SLC34A3: variants seen among roughly 807,000 people sequenced by gnomAD.
SLC34A3 encodes the protein sodium-dependent phosphate transport protein 2C.
A neutral mutation model predicts 43.9 loss-of-function variants in SLC34A3; 60 were observed. The observed-to-expected ratio is 1.37, with a 90% CI of 1.11 to 1.70. The LOEUF is 1.70. Among genes scored for constraint, SLC34A3 ranks in the 40% most tolerant of loss-of-function variants. The probability of loss-of-function intolerance (pLI) is 0.00; values close to 1 mark genes in which losing one functional copy is unlikely to be tolerated. For synonymous variants in SLC34A3, 451 were observed against 386.2 expected, an observed-to-expected ratio of 1.17 and a Z score of -1.97; for missense variants, 969 against 823.8, an observed-to-expected ratio of 1.18 and a Z score of -2.16.
chr9:137,234,182 G>C lies in SLC34A3; in HGVS notation c.999G>C (p.Leu333=). Residue 333 remains leucine (L), a synonymous_variant, in exon 10 of 13, where the codon CTG becomes CTC. Coordinates refer to ENST00000673835, the MANE Select transcript of SLC34A3 (RefSeq NM_001177316.2). The surrounding 1 kb of genome is among the most constrained non-coding windows in gnomAD (Gnocchi z 6.9). ...GCATCCTGCTGGCCGGCTCCCTGCT[G>C]GTGCTCTGCGGCTGCCTGGTCCTCA... ...VGCILLAGSL[L]VLCGCLVLIV... The C allele has an allele frequency of 6.2e-7, 1 of 1,605,542 alleles. No individual in the cohort carries two copies. Among genetic ancestry groups the C allele is most frequent in the Non-Finnish European group, 8.5e-7 (1 of 1,178,210 alleles).
In SLC34A3 at chr9:137,236,358, C is replaced by T; in HGVS notation, c.1742C>T (p.Thr581Ile). The change falls in exon 13 of 13, where the codon ACC (threonine) becomes ATC (isoleucine). Residue 581 changes from threonine (T) to isoleucine (I), a missense_variant. Coordinates refer to ENST00000673835, the MANE Select transcript of SLC34A3 (RefSeq NM_001177316.2). The part of the protein sequence containing the change: ...PCNVCSPPKA[T>I]TKEAYCYENP... Reference sequence around the variant, plus strand: ...AACGTCTGCAGCCCCCCGAAGGCCACCACCAAAGAGGCCTACTGCTACGAG... The same window carrying T: ...AACGTCTGCAGCCCCCCGAAGGCCATCACCAAAGAGGCCTACTGCTACGAG... 1 of 1,540,614 alleles carries T rather than the reference C, an allele frequency of 6.5e-7. No individual in the cohort carries two copies. Among genetic ancestry groups the T allele is most frequent in the Non-Finnish European group, 8.7e-7 (1 of 1,146,796 alleles).
In SLC34A3 at chr9:137,233,950, C is replaced by T. The variant is rs1242108124; in HGVS notation, c.925+9C>T. On this transcript the variant is annotated intron_variant, in intron 9 of 12. Coordinates refer to ENST00000673835, the MANE Select transcript of SLC34A3 (RefSeq NM_001177316.2). ...GGCGGACAGGCTGCCCTGTGAGGCC[C>T]GGCCCACCCCAAGCCCCCTACACCC... 23 of 1,541,704 alleles carry T rather than the reference C, an allele frequency of 1.5e-5. No homozygotes were observed. Among genetic ancestry groups the T allele is most frequent in the Admixed American group, 7.6e-5 (4 of 52,838 alleles).
At chr9:137,230,764 C>CA (rs1836169342), upstream of SLC34A3, 1 of 152,266 alleles carries the variant, frequency 6.6e-6, no homozygotes, top group African/African-American at 2.4e-5. Flanking sequence ...AGGATGGAGA[C>CA]AAGGCCTAGG....
In SLC34A3 at chr9:137,236,230, G is replaced by A; in HGVS notation, c.1614G>A (p.Arg538=). 6.4e-7 allele frequency: 1 copy of A among 1,559,052 alleles called. No individual in the cohort carries two copies. The highest frequency in any genetic ancestry group is 8.7e-7 in the Non-Finnish European group (1 of 1,155,304). The part of the protein sequence containing the change: ...VILVTVLQRR[R]PAWLPVRLRS... ...TGGTTACTGTCCTGCAGCGGCGCCG[G>A]CCGGCCTGGCTGCCTGTCCGCCTGC... The change falls in exon 13 of 13, where the codon CGG becomes CGA. Residue 538 remains arginine, a synonymous_variant. Coordinates refer to ENST00000673835, the MANE Select transcript of SLC34A3 (RefSeq NM_001177316.2).
At chr9:137,235,894 G>A (rs1836566228) in intron 12 of SLC34A3, 58 bp from the exon 13 acceptor site, 1 of 1,548,258 alleles carries the variant, frequency 6.5e-7, no homozygotes, top group South Asian at 1.1e-5. Context: ...AGGGGTCCGG[G>A]GCCCCTGGTG....
At chr9:137,235,166 G>A (rs1233378352) in intron 12 of SLC34A3, among the ~76,000 whole-genome samples, 1 of 151,776 alleles carries the variant, frequency 6.6e-6, no homozygotes, top group East Asian at 2.0e-4. Flanking sequence ...CACCGATGCT[G>A]GGCCCTGCCC....
At position 137,234,813 on chromosome 9, in the gene SLC34A3, G is replaced by T; in HGVS notation, c.1335+82G>T. On this transcript the variant is annotated intron_variant, in intron 12 of 12. Transcript: ENST00000673835. The surrounding 1 kb of genome is among the most constrained non-coding windows in gnomAD (Gnocchi z 6.9). Reference sequence around the variant, plus strand: ...ACAGGAGTGTGTCACCAGCCCCGGGGCCCTAGGCTGGCTGTGCCCCCGCCT... The same window carrying T: ...ACAGGAGTGTGTCACCAGCCCCGGGTCCCTAGGCTGGCTGTGCCCCCGCCT... 1 of 1,587,308 alleles carries T rather than the reference G, an allele frequency of 6.3e-7. No individual in the cohort carries two copies. Among genetic ancestry groups the T allele is most frequent in the Non-Finnish European group, 8.5e-7 (1 of 1,171,772 alleles).
Position 137,232,859 on chromosome 9 carries a change from T to C in SLC34A3, c.380T>C (p.Leu127Pro). 1 of 1,612,522 alleles carries C rather than the reference T, an allele frequency of 6.2e-7. No homozygotes were observed. The highest frequency in any genetic ancestry group is 8.5e-7 in the Non-Finnish European group (1 of 1,179,758). ...GTGGCTGGACTGGTCATTGGCGTGC[T>C]GGTCACAGCCCTGGTGCAGAGTTCC... ...NPVAGLVIGV[L>P]VTALVQSSST... Residue 127 changes from leucine to proline, a missense_variant, in exon 5 of 13, where the codon CTG becomes CCG. By Grantham distance (98) the Leu-to-Pro change is moderately conservative. Coordinates refer to ENST00000673835, the MANE Select transcript of SLC34A3 (RefSeq NM_001177316.2).
In SLC34A3 at chr9:137,232,589, G is replaced by A. The variant is rs143930538; in HGVS notation, c.190G>A (p.Gly64Ser). 9.9e-6 allele frequency: 16 copies of A among 1,608,944 alleles called. No homozygotes were observed. The highest frequency in any genetic ancestry group is 2.7e-5 in the African/African-American group (2 of 74,182). ...SQPWKELRVAGRLRRVAGSVL... is the reference protein window; with the variant it reads ...SQPWKELRVASRLRRVAGSVL... ...TGTGTCCTCAGAGCTCCGCGTGGCCGGCAGGCTGCGCCGCGTGGCCGGCAG... is the reference window on the plus strand; with the variant it reads ...TGTGTCCTCAGAGCTCCGCGTGGCCAGCAGGCTGCGCCGCGTGGCCGGCAG... The change falls in exon 4 of 13, where the codon GGC becomes AGC. Residue 64 changes from glycine to serine, a missense_variant. Coordinates refer to ENST00000673835, the MANE Select transcript of SLC34A3 (RefSeq NM_001177316.2).
chr9:137,232,906 G>C lies in SLC34A3; in HGVS notation c.427G>C (p.Val143Leu). ...TTCCAGCACGTCCTCCTCCATCGTG[G>C]TCAGCATGGTGGCTGCTAAGCGTGG... Reference protein sequence around the residue: ...QSSSTSSSIVVSMVAAKLLTV... With the variant: ...QSSSTSSSIVLSMVAAKLLTV... Residue 143 changes from valine (V) to leucine (L), a missense_variant, in exon 5 of 13, where the codon GTC (valine) becomes CTC (leucine). Physicochemically the swap from Val to Leu is conservative, Grantham distance 32. Coordinates refer to ENST00000673835, the MANE Select transcript of SLC34A3 (RefSeq NM_001177316.2). 2 of 1,608,876 alleles carry C rather than the reference G, an allele frequency of 1.2e-6. No individual in the cohort carries two copies. Among genetic ancestry groups the C allele is most frequent in the South Asian group, 2.2e-5 (2 of 90,464 alleles).
In SLC34A3 at chr9:137,234,643, T is replaced by A; in HGVS notation, c.1247T>A (p.Leu416His). Residue 416 changes from leucine (L) to histidine (H), a missense_variant, in exon 12 of 13, where the codon CTC (leucine) becomes CAC (histidine). Coordinates refer to ENST00000673835, the MANE Select transcript of SLC34A3 (RefSeq NM_001177316.2). The surrounding 1 kb of genome is among the most constrained non-coding windows in gnomAD (Gnocchi z 6.9). ...GVISLDRAYPLLLGSNIGTTT... is the reference protein window; with the variant it reads ...GVISLDRAYPHLLGSNIGTTT... The stretch of plus-strand genomic sequence containing the variant: ...ATCAGTCTGGACCGGGCGTACCCCC[T>A]CTTACTGGGCTCCAACATCGGCACC... 1 of 1,612,160 alleles carries A rather than the reference T, an allele frequency of 6.2e-7. No individual in the cohort carries two copies. Among genetic ancestry groups the A allele is most frequent in the Non-Finnish European group, 8.5e-7 (1 of 1,179,706 alleles).
At chr9:137,233,434 A>G (rs745913747) in intron 7 of SLC34A3, 30 bp downstream of exon 7, 2 of 1,591,608 alleles carry the variant, frequency 1.3e-6, no homozygotes, top group South Asian at 2.2e-5. Context: ...CCGCCCAGAG[A>G]GCCTGAGCAG....
rs182451910 is a variant in SLC34A3, at chr9:137,236,182, G to T, written c.1566G>T (p.Val522=). ...TGGCCGCTGTCGGGGGTCCCCTGGTGGGGCTGGTGCTCCTCGTCATCCTGG... is the reference window on the plus strand; with the variant it reads ...TGGCCGCTGTCGGGGGTCCCCTGGTTGGGCTGGTGCTCCTCGTCATCCTGG... ...MELAAVGGPL[V]GLVLLVILVT... Residue 522 remains valine, a synonymous_variant, in exon 13 of 13, where the codon GTG becomes GTT. Coordinates refer to ENST00000673835, the MANE Select transcript of SLC34A3 (RefSeq NM_001177316.2). 37 of 1,604,648 alleles carry T rather than the reference G, an allele frequency of 2.3e-5. No homozygotes were observed. The highest frequency in any genetic ancestry group is 3.1e-5 in the Non-Finnish European group (36 of 1,177,318).
Position 137,234,381 on chromosome 9 carries a change from G to A in SLC34A3, c.1094-35G>A. On this transcript the variant is annotated intron_variant, in intron 10 of 12. Transcript: ENST00000673835. This position sits in a 1 kb window ranked among gnomAD's most constrained non-coding sequence, Gnocchi z 6.9. Reference sequence around the variant, plus strand: ...CGGGGGCTACCTGGCCCTCCTTGTGGGCGCTGGCCAGGGCTGACCCGGCAT... The same window carrying A: ...CGGGGGCTACCTGGCCCTCCTTGTGAGCGCTGGCCAGGGCTGACCCGGCAT... The A allele has an allele frequency of 6.3e-7, 1 of 1,594,608 alleles. No homozygotes were observed.
Position 137,234,749 on chromosome 9 carries a change from C to T in SLC34A3, c.1335+18C>T, listed in dbSNP as rs1489517254. On this transcript the variant is annotated intron_variant, in intron 12 of 12. Transcript: ENST00000673835. The surrounding 1 kb of genome is among the most constrained non-coding windows in gnomAD (Gnocchi z 6.9). ...CCCTGCAGGTACTGTCCACCCTGCC[C>T]CGCTGCCAGAACTGGCCAGCTTCCT... 1.9e-6 allele frequency: 3 copies of T among 1,605,022 alleles called. No individual in the cohort carries two copies. The African/African-American group carries it at 4.0e-5, about 21-fold the overall frequency.
chr9:137,232,494 G>A (rs540210027), intron 3 of SLC34A3, 81 bp from the exon 4 acceptor site: 11 of 1,574,606 alleles, frequency 7.0e-6, no homozygotes, highest in African/African-American at 1.3e-5. Context: ...AGAGGAGAGA[G>A]GGGGCAGAGA....
upstream of SLC34A3, among the ~76,000 whole-genome samples, chr9:137,229,984 G>A (rs953731404): frequency 7.2e-5 from 11 of 152,146 alleles, no homozygotes; most frequent in African/African-American, 2.4e-4. Context: ...GGGCGCAGGA[G>A]GGAGACGGAA....
chr9:137,236,354 G>T lies in SLC34A3; in HGVS notation c.1738G>T (p.Ala580Ser), dbSNP rs1044934489. 11 of 1,540,822 alleles carry T rather than the reference G, an allele frequency of 7.1e-6. No homozygotes were observed. The Admixed American group carries it at 1.6e-4, about 22-fold the overall frequency. The change falls in exon 13 of 13, where the codon GCC (alanine) becomes TCC (serine). Residue 580 changes from alanine (A) to serine (S), a missense_variant. Coordinates refer to ENST00000673835, the MANE Select transcript of SLC34A3 (RefSeq NM_001177316.2). Reference protein sequence around the residue: ...CPCNVCSPPKATTKEAYCYEN... With the variant: ...CPCNVCSPPKSTTKEAYCYEN... ...CTGCAACGTCTGCAGCCCCCCGAAG[G>T]CCACCACCAAAGAGGCCTACTGCTA...
chr9:137,235,169 C>A, intron 12 of SLC34A3, among the ~76,000 whole-genome samples: 1 of 152,024 alleles, frequency 6.6e-6, no homozygotes, highest in East Asian at 1.9e-4. Flanking sequence ...CGATGCTGGG[C>A]CCTGCCCTGC....
Sources: allele counts gnomAD v4.1 joint callset (sites outside exome capture counted in the v4.1 genomes callset), GRCh38; gene constraint gnomAD v4.1.1; non-coding constraint Gnocchi (gnomAD v3.1); transcripts MANE v1.5; gene names NCBI Gene and HGNC (gene_info 2026-07-23, HGNC 2026-07-21).